Variants in KLF12 observed in about 807,000 individuals in gnomAD.
KLF12 encodes KLF transcription factor 12.
In KLF12, 9 loss-of-function variants were observed where a neutral mutation model predicts 37.8. That is an observed-to-expected ratio of 0.24 (90% confidence interval 0.14 to 0.42). The LOEUF (loss-of-function observed/expected upper bound fraction) is 0.42, where lower values mean the gene tolerates loss of function less well. KLF12 is among the 10% of genes least tolerant of loss of function. The pLI, the probability that KLF12 is intolerant of heterozygous loss-of-function variation, is 1.00. For synonymous variants in KLF12, 208 were observed against 202.1 expected (o/e 1.03, Z -0.25); for missense variants, 411 against 516.0 (o/e 0.80, Z 1.97).
At chr13:74,190,648 T>A in the KLF12 span, among the ~76,000 whole-genome samples, 1 of 152,386 alleles carries the variant, frequency 6.6e-6, no homozygotes, top group East Asian at 1.9e-4. Flanking sequence ...AAGATGTTCT[T>A]ACAGTCTTCA....
At chr13:74,179,664 C>T in the KLF12 span, among the ~76,000 whole-genome samples, 1 of 152,140 alleles carries the variant, frequency 6.6e-6, no homozygotes, top group Non-Finnish European at 1.5e-5. Flanking sequence ...TCTAGTTTTT[C>T]AGTGGCTTAT....
At chr13:73,887,278 G>A (rs138849964) in intron 3 of KLF12, among the ~76,000 whole-genome samples, 1 of 152,116 alleles carries the variant, frequency 6.6e-6, no homozygotes, top group African/African-American at 2.4e-5. Flanking sequence ...AGATGATATG[G>A]TTTAGATATT....
chr13:74,171,405 G>A, the KLF12 span, among the ~76,000 whole-genome samples: 3 of 152,082 alleles, frequency 2.0e-5, no homozygotes, highest in African/African-American at 7.2e-5. Context: ...TAAAAAAGTA[G>A]GCAGTGAGCG....
intron 1 of KLF12, among the ~76,000 whole-genome samples, chr13:74,003,223 A>C (rs1203501932): frequency 6.6e-6 from 1 of 152,264 alleles, no homozygotes; most frequent in African/African-American, 2.4e-5. Context: ...TTAGTTTCAC[A>C]GAAGTGCTTA....
intron 4 of KLF12, among the ~76,000 whole-genome samples, chr13:73,818,962 T>C (rs1330813618): frequency 1.3e-5 from 2 of 152,152 alleles, no homozygotes; most frequent in Admixed American, 6.5e-5. Context: ...TGGTTTATTC[T>C]AGAAAGGAGG....
chr13:74,148,185 G>T, the KLF12 span, among the ~76,000 whole-genome samples: 1 of 152,196 alleles, frequency 6.6e-6, no homozygotes, highest in Admixed American at 6.5e-5. Context: ...AAGGTGCTGA[G>T]ATTACAGGTG....
the KLF12 span, among the ~76,000 whole-genome samples, chr13:74,267,701 T>C: frequency 6.6e-6 from 1 of 152,152 alleles, no homozygotes; most frequent in Non-Finnish European, 1.5e-5. Flanking sequence ...TAATTTATTG[T>C]ATAGTTAAAA....
chr13:73,796,045 A>G (rs1451799829), intron 5 of KLF12, among the ~76,000 whole-genome samples: 1 of 152,196 alleles, frequency 6.6e-6, no homozygotes, highest in Non-Finnish European at 1.5e-5. Flanking sequence ...TATCCAGATA[A>G]TTATCAGATA....
At chr13:74,104,604 A>G (rs1876549407) in intron 1 of KLF12, among the ~76,000 whole-genome samples, 2 of 152,230 alleles carry the variant, frequency 1.3e-5, no homozygotes, top group South Asian at 2.1e-4. Flanking sequence ...TGAAAATATA[A>G]TATCGCTTGA....
At chr13:73,744,494 G>A (rs1170883985) in intron 6 of KLF12, among the ~76,000 whole-genome samples, 1 of 151,824 alleles carries the variant, frequency 6.6e-6, no homozygotes, top group Non-Finnish European at 1.5e-5. Context: ...GGTGGTAGGA[G>A]CAAAAAGCAG....
chr13:73,695,465 C>G lies in KLF12; in HGVS notation c.*25G>C, dbSNP rs200192991. ...GTGCCGCTAAGAGATCCAGCTCTTA[C>G]GCTCAGCTGGACAGGTAGCATTCCT... is the stretch of plus-strand genomic sequence containing the variant. On this transcript the variant is annotated 3_prime_UTR_variant, in exon 8 of 8. Transcript: ENST00000377669. 3 of 1,608,150 alleles carry G rather than the reference C, an allele frequency of 1.9e-6. No homozygotes were observed. Among genetic ancestry groups the G allele is most frequent in the Non-Finnish European group, 2.6e-6 (3 of 1,175,978 alleles).
intron 5 of KLF12, among the ~76,000 whole-genome samples, chr13:73,803,680 C>G (rs1286688807): frequency 1.3e-5 from 2 of 151,432 alleles, no homozygotes; most frequent in South Asian, 2.1e-4. Flanking sequence ...GTGTTTAAAA[C>G]CAGTGTCTGA....
At chr13:74,174,335 C>CTTTTTTTTTTTTTTTTTTTTTTTT in the KLF12 span, among the ~76,000 whole-genome samples, 2 of 133,164 alleles carry the variant, frequency 1.5e-5, no homozygotes, top group Non-Finnish European at 3.2e-5. Flanking sequence ...TCTTTCTTTT[C>CTTTTTTTTTTTTTTTTTTTTTTTT]TTTTTTTTTT....
chr13:73,845,306 T>C (rs921766447), intron 4 of KLF12, among the ~76,000 whole-genome samples: 3 of 152,208 alleles, frequency 2.0e-5, no homozygotes, highest in African/African-American at 7.2e-5. Context: ...TCTAGAATTA[T>C]TTTAATGGCA....
At chr13:73,852,731 C>T (rs1191362214) in intron 3 of KLF12, among the ~76,000 whole-genome samples, 1 of 151,828 alleles carries the variant, frequency 6.6e-6, no homozygotes, top group East Asian at 2.0e-4. Flanking sequence ...GAGCCGAGAT[C>T]GTGCCACTGC....
chr13:73,745,979 G>C (rs1444373428), intron 6 of KLF12, among the ~76,000 whole-genome samples: 1 of 151,900 alleles, frequency 6.6e-6, no homozygotes, highest in African/African-American at 2.4e-5. Context: ...TTTCAAAATA[G>C]GTCTCTGGAC....
Position 73,695,137 on chromosome 13 carries a change from A to G in KLF12, c.*353T>C. 1 of 205,116 alleles carries G rather than the reference A, an allele frequency of 4.9e-6. No homozygotes were observed. The allele number at this position is 205,116 out of a possible 1,614,324, so 12.7% of individuals were successfully genotyped here. On this transcript the variant is annotated 3_prime_UTR_variant, in exon 8 of 8. Transcript: ENST00000377669. Reference sequence around the variant, plus strand: ...TTAAAAGGTCTTGCTCTAGCCATCAATTTGTGGTAGGTGACCTTTAAGGTA... The same window carrying G: ...TTAAAAGGTCTTGCTCTAGCCATCAGTTTGTGGTAGGTGACCTTTAAGGTA...
chr13:73,753,948 C>T (rs1029391328), intron 6 of KLF12, among the ~76,000 whole-genome samples: 35 of 152,028 alleles, frequency 2.3e-4, no homozygotes, highest in African/African-American at 8.2e-4. Context: ...TTTTGGAGCC[C>T]TTTTCTCCTT....
intron 1 of KLF12, among the ~76,000 whole-genome samples, chr13:74,006,458 C>T (rs1892411346): frequency 6.6e-6 from 1 of 152,172 alleles, no homozygotes; most frequent in Non-Finnish European, 1.5e-5. Context: ...GGCAAAATTT[C>T]CCACTTAAAT....
Sources: gnomAD v4.1 joint callset for allele counts (sites outside exome capture counted in the v4.1 genomes callset) on GRCh38, gnomAD v4.1.1 for gene constraint, MANE v1.5 for transcripts, NCBI Gene and HGNC (gene_info 2026-07-23, HGNC 2026-07-21) for gene names.